PHF24: variants seen among roughly 807,000 people sequenced by gnomAD.
The protein encoded by PHF24 is PHD finger protein 24.
In PHF24, 25 loss-of-function variants were observed where a neutral mutation model predicts 42.6. That is an observed-to-expected ratio of 0.59 (90% CI 0.43 to 0.82). The LOEUF is 0.82. PHF24 is among the 40% of genes least tolerant of loss of function. The pLI, the probability that PHF24 is intolerant of heterozygous loss-of-function variation, is 0.00. For synonymous variants in PHF24, 185 were observed against 204.8 expected, an observed-to-expected ratio of 0.90 and a Z score of 0.83; for missense variants, 470 against 538.1, an observed-to-expected ratio of 0.87 and a Z score of 1.25.
chr9:34,936,642 G>A, the PHF24 span, among the ~76,000 whole-genome samples: 49 of 151,554 alleles, frequency 3.2e-4, no homozygotes, highest in Middle Eastern at 6.8e-3. Context: ...CTTCCCGGCC[G>A]CCATCCCATC....
chr9:34,786,070 G>A, the PHF24 span, among the ~76,000 whole-genome samples: 1 of 152,098 alleles, frequency 6.6e-6, no homozygotes, highest in East Asian at 1.9e-4. Context: ...CTAGCACAGG[G>A]CCTGTTATCC....
the PHF24 span, among the ~76,000 whole-genome samples, chr9:34,690,676 G>T: frequency 1.8e-4 from 27 of 152,242 alleles, no homozygotes; most frequent in East Asian, 2.9e-3. Context: ...GTTAATGCAG[G>T]TCACAGTGTG....
chr9:34,878,495 A>G, the PHF24 span, among the ~76,000 whole-genome samples: 10 of 152,302 alleles, frequency 6.6e-5, no homozygotes, highest in Admixed American at 5.2e-4. Flanking sequence ...CAGTAGCTGG[A>G]AAATCGGGAC....
chr9:34,922,371 G>A, the PHF24 span: 3 of 1,485,726 alleles, frequency 2.0e-6, no homozygotes, highest in Non-Finnish European at 9.4e-7. Flanking sequence ...TTTCTCTGGG[G>A]AATTCAGAAC....
At chr9:34,688,407 T>C in the PHF24 span, among the ~76,000 whole-genome samples, 1 of 152,106 alleles carries the variant, frequency 6.6e-6, no homozygotes, top group Non-Finnish European at 1.5e-5. Flanking sequence ...TGTGGGATGC[T>C]CCAAGAGTCA....
At chr9:34,759,590 T>C in the PHF24 span, among the ~76,000 whole-genome samples, 1 of 152,140 alleles carries the variant, frequency 6.6e-6, no homozygotes, top group Non-Finnish European at 1.5e-5. Context: ...CAGAGCACCA[T>C]ATTACCTATC....
chr9:34,974,693 C>G (rs1827124052), intron 3 of PHF24, among the ~76,000 whole-genome samples: 1 of 152,152 alleles, frequency 6.6e-6, no homozygotes, highest in South Asian at 2.1e-4. Flanking sequence ...CAGCCACCAT[C>G]TAAACACTAA....
the PHF24 span, among the ~76,000 whole-genome samples, chr9:34,717,706 A>G: frequency 6.6e-6 from 1 of 152,208 alleles, no homozygotes; most frequent in Non-Finnish European, 1.5e-5. Flanking sequence ...GAGGTGGCCT[A>G]GAGGATTTAT....
At chr9:34,754,090 A>G in the PHF24 span, among the ~76,000 whole-genome samples, 181 of 152,240 alleles carry the variant, frequency 1.2e-3, 4 homozygotes, top group South Asian at 0.036. Flanking sequence ...AGGACATTGG[A>G]CTGGCCAAAA....
the PHF24 span, among the ~76,000 whole-genome samples, chr9:34,898,914 G>C: frequency 6.6e-6 from 1 of 152,126 alleles, no homozygotes; most frequent in Non-Finnish European, 1.5e-5. Context: ...CCAGCAATTC[G>C]CCTGGCCCTT....
intron 3 of PHF24, among the ~76,000 whole-genome samples, chr9:34,973,163 T>C (rs1050637837): frequency 2.6e-5 from 4 of 152,148 alleles, no homozygotes; most frequent in Admixed American, 2.6e-4. Flanking sequence ...GGGGCCTAAT[T>C]ACTCAAAAGT....
chr9:34,842,003 C>T, the PHF24 span, among the ~76,000 whole-genome samples: 1 of 152,226 alleles, frequency 6.6e-6, no homozygotes, highest in Non-Finnish European at 1.5e-5. Flanking sequence ...TTCATTTCCT[C>T]TCTCTTCCAA....
the PHF24 span, among the ~76,000 whole-genome samples, chr9:34,940,926 G>T: frequency 2.6e-5 from 4 of 152,182 alleles, no homozygotes; most frequent in South Asian, 6.2e-4. Flanking sequence ...AACACAAGGA[G>T]CCTGAAATGC....
the PHF24 span, among the ~76,000 whole-genome samples, chr9:34,826,573 T>C: frequency 1.3e-5 from 2 of 152,336 alleles, no homozygotes; most frequent in East Asian, 1.9e-4. Flanking sequence ...AGTGAAGCAG[T>C]CACAGTCCCT....
At chr9:34,936,743 C>T in the PHF24 span, among the ~76,000 whole-genome samples, 3 of 144,606 alleles carry the variant, frequency 2.1e-5, no homozygotes, top group Admixed American at 6.8e-5. Flanking sequence ...ATGTGAGGAG[C>T]ACCTCTGCCC....
chr9:34,916,671 T>A, the PHF24 span, among the ~76,000 whole-genome samples: 1 of 152,214 alleles, frequency 6.6e-6, no homozygotes, highest in East Asian at 1.9e-4. Flanking sequence ...ATAGAAAAGC[T>A]GTTCATGCCA....
chr9:34,912,327 T>C, the PHF24 span, among the ~76,000 whole-genome samples: 2 of 152,102 alleles, frequency 1.3e-5, no homozygotes, highest in African/African-American at 4.8e-5. Flanking sequence ...CACAGAACTG[T>C]ATGATTATGG....
chr9:34,674,974 T>A, the PHF24 span, among the ~76,000 whole-genome samples: 3,002 of 152,188 alleles, frequency 0.02, 114 homozygotes, highest in African/African-American at 0.068. Flanking sequence ...GCTATCCTCC[T>A]ACCTCCCAAG....
At chr9:34,726,980 C>A in the PHF24 span, 1 of 1,546,388 alleles carries the variant, frequency 6.5e-7, no homozygotes, top group African/African-American at 1.4e-5. Flanking sequence ...CAGAGGAAGC[C>A]AGCCCTGGCT....
Sources: gnomAD v4.1 joint callset for allele counts (sites outside exome capture counted in the v4.1 genomes callset) on GRCh38, gnomAD v4.1.1 for gene constraint, MANE v1.5 for transcripts, NCBI Gene and HGNC (gene_info 2026-07-23, HGNC 2026-07-21) for gene names.